The following MCF2L variants were observed in gnomAD, a reference collection of about 807,000 sequenced individuals.
The protein encoded by MCF2L is MCF.2 cell line derived transforming sequence like.
A neutral mutation model predicts 153.4 loss-of-function variants in MCF2L; 97 were observed. The observed-to-expected ratio is 0.63, with a 90% CI of 0.54 to 0.75. MCF2L has a LOEUF of 0.75. Among genes scored for constraint, MCF2L ranks in the 30% least tolerant of loss-of-function variants. MCF2L has a pLI of 0.00. For missense variants in MCF2L, 1,347 were observed against 1,495.2 expected, an observed-to-expected ratio of 0.90 and a Z score of 1.64; for synonymous variants, 659 against 632.2, an observed-to-expected ratio of 1.04 and a Z score of -0.64.
intron 1 of MCF2L, chr13:113,001,614 A>G (rs2083380337): frequency 7.0e-6 from 8 of 1,150,694 alleles, no homozygotes; most frequent in Non-Finnish European, 8.9e-6. Context: ...AAGCAACACC[A>G]GGAACCTGAA....
chr13:113,002,001 GGGTCCT>G, intron 1 of MCF2L: 1 of 1,555,402 alleles, frequency 6.4e-7, no homozygotes, highest in Non-Finnish European at 8.6e-7. Flanking sequence ...GGGCGCGGGC[GGGTCCT>G]CGCCTCCCCG....
chr13:113,060,000 C>T (rs904766074), intron 4 of MCF2L, among the ~76,000 whole-genome samples: 1 of 152,260 alleles, frequency 6.6e-6, no homozygotes, highest in African/African-American at 2.4e-5. Flanking sequence ...CCCTCCCAGC[C>T]CCGGAGGCGG....
intron 1 of MCF2L, among the ~76,000 whole-genome samples, chr13:112,974,649 C>T (rs916940475): frequency 2.6e-5 from 4 of 152,262 alleles, no homozygotes; most frequent in African/African-American, 9.6e-5. Flanking sequence ...AGGATGAACT[C>T]CAGAATTAGA....
chr13:112,997,313 G>T (rs897527104), intron 1 of MCF2L, among the ~76,000 whole-genome samples: 5 of 152,248 alleles, frequency 3.3e-5, no homozygotes, highest in Admixed American at 3.3e-4. Context: ...GGTTGCTGCT[G>T]ACGCCCCTGT....
In MCF2L at chr13:113,074,412, A is replaced by G. The variant is rs2033229039; in HGVS notation, c.997-32A>G. ...TTCTCTCTGTTCAGGTGAGGGAGAC[A>G]CCCCCCTGAGATGGGCCCTCCTCTG... On this transcript the variant is annotated intron_variant, in intron 9 of 29. Transcript: ENST00000535094. This position sits in a 1 kb window ranked among gnomAD's most constrained non-coding sequence, Gnocchi z 4.2. 1 of 1,600,848 alleles carries G rather than the reference A, an allele frequency of 6.2e-7. No homozygotes were observed. Among genetic ancestry groups the G allele is most frequent in the Non-Finnish European group, 8.6e-7 (1 of 1,169,212 alleles).
chr13:113,042,510 A>C (rs2086562781), intron 3 of MCF2L: 1 of 152,218 alleles, frequency 6.6e-6, no homozygotes, highest in Non-Finnish European at 1.5e-5. Context: ...ACAAAGATTT[A>C]AACGTAGAGT....
rs2034824952 is a variant in MCF2L at position 113,088,196 on chromosome 13, C to T, written c.2689-131C>T. On this transcript the variant is annotated intron_variant, in intron 23 of 29. Transcript: ENST00000535094. ...CGGGGCCACCCACAGTGCTTTCCTC[C>T]TCTCCCCTCACACGCAGCCACCTGA... is the stretch of plus-strand genomic sequence containing the variant. The T allele has an allele frequency of 1.2e-5, 10 of 822,218 alleles. No individual in the cohort carries two copies. The East Asian group carries it at 1.9e-4, about 16-fold the overall frequency. The allele number at this position is 822,218 out of a possible 1,614,324, so 50.9% of individuals were successfully genotyped here. A position where few individuals can be genotyped will look rare whatever the true frequency, so the allele number is the denominator to read the frequency against.
In MCF2L at chr13:112,922,606, G is replaced by T. The variant is rs528177515; in HGVS notation, c.169+20235G>T. On this transcript the variant is annotated intron_variant, in intron 2 of 29. Coordinates refer to the MCF2L transcript ENST00000375608. ...CTAGCACTTTGGGAGACCGAGGCGG[G>T]CAGATTGCCTGAGCTCAGGAGTTCA... Among the ~76,000 whole-genome samples, 4 of 152,324 alleles carry T rather than the reference G, an allele frequency of 2.6e-5. No homozygotes were observed. The South Asian group carries it at 8.3e-4, about 32-fold the overall frequency.
intron 2 of MCF2L, among the ~76,000 whole-genome samples, chr13:113,021,698 G>A (rs1419331552): frequency 6.6e-6 from 1 of 152,244 alleles, no homozygotes; most frequent in African/African-American, 2.4e-5. Flanking sequence ...TTTCTCCAGA[G>A]AGGGGCTGTG....
chr13:112,934,024 G>T (rs765720875), intron 2 of MCF2L, among the ~76,000 whole-genome samples: 1 of 152,224 alleles, frequency 6.6e-6, no homozygotes, highest in Non-Finnish European at 1.5e-5. Context: ...ACTTCATCCA[G>T]CCTTTTGCCC....
intron 1 of MCF2L, among the ~76,000 whole-genome samples, chr13:112,898,479 C>T (rs898223284): frequency 1.3e-5 from 2 of 152,148 alleles, no homozygotes; most frequent in African/African-American, 4.8e-5. Context: ...CCAGGTCCAG[C>T]CTTTCACCAC....
rs2083591407 is a variant in MCF2L at position 113,004,985 on chromosome 13, A to G, written c.80-9778A>G. On this transcript the variant is annotated intron_variant, in intron 1 of 29. Coordinates refer to ENST00000535094, the MANE Select transcript of MCF2L (RefSeq NM_001112732.3). Reference sequence around the variant, plus strand: ...TGAAAAGAGCACTGTCGTTGGAGCCAGGAGTCCCCACTGTGGGTGGGTATC... The same window carrying G: ...TGAAAAGAGCACTGTCGTTGGAGCCGGGAGTCCCCACTGTGGGTGGGTATC... 2.0e-5 allele frequency among the ~76,000 whole-genome samples: 3 copies of G among 152,214 alleles called. No individual in the cohort carries two copies. In the South Asian group the frequency reaches 6.2e-4, roughly 32 times the overall value.
intron 4 of MCF2L, among the ~76,000 whole-genome samples, chr13:113,058,306 G>C (rs1331225403): frequency 6.7e-6 from 1 of 149,698 alleles, no homozygotes; most frequent in East Asian, 2.0e-4. Flanking sequence ...AGTGGGCGTT[G>C]AGTGTTCGGG....
At chr13:113,096,747 G>A (rs768812636) in intron 29 of MCF2L, 27 bp from the exon 30 acceptor site, 6 of 1,557,850 alleles carry the variant, frequency 3.9e-6, no homozygotes, top group African/African-American at 1.4e-5. Context: ...CGACGCCGAA[G>A]CCCGTCCCCG....
At chr13:113,090,548 T>G in intron 26 of MCF2L, 1 of 985,266 alleles carries the variant, frequency 1.0e-6, no homozygotes, top group Non-Finnish European at 1.2e-6. Context: ...TCAGCCATCT[T>G]CTGGGGCATC....
rs769025642 is a variant in MCF2L, at chr13:112,951,371, C to G, written c.169+49000C>G. On this transcript the variant is annotated intron_variant, in intron 2 of 29. Transcript: ENST00000375608. The surrounding 1 kb of genome is among the most constrained non-coding windows in gnomAD (Gnocchi z 4.8). ...TCCTGGGAATTTATCCCAGAGAAAT[C>G]AAAATTTATGTGCACATAAATACAG... Among the ~76,000 whole-genome samples the G allele has an allele frequency of 9.9e-5, 15 of 152,144 alleles. No homozygotes were observed. Among genetic ancestry groups the G allele is most frequent in the Non-Finnish European group, 1.6e-4 (11 of 68,024 alleles).
At chr13:112,896,260 G>T in intron 1 of MCF2L, among the ~76,000 whole-genome samples, 1 of 152,034 alleles carries the variant, frequency 6.6e-6, no homozygotes, top group African/African-American at 2.4e-5. Flanking sequence ...TGGAATTCAG[G>T]TCTCTTCACC....
rs1301294922 is a variant in MCF2L at position 112,943,292 on chromosome 13, C to T, written c.169+40921C>T. ...TGCTGAGTCCCGACGCTGTGCGCCC[C>T]ACTCCCGAGGCTGTGGTTGGGGGGT... On this transcript the variant is annotated intron_variant, in intron 2 of 29. Transcript: ENST00000375608. This position sits in a 1 kb window ranked among gnomAD's most constrained non-coding sequence, Gnocchi z 4.2. Among the ~76,000 whole-genome samples, 1 of 152,182 alleles carries T rather than the reference C, an allele frequency of 6.6e-6. No homozygotes were observed. The highest frequency in any genetic ancestry group is 2.1e-4 in the South Asian group (1 of 4,832).
intron 3 of MCF2L, chr13:113,044,943 G>A (rs1364454378): frequency 1.2e-6 from 2 of 1,600,328 alleles, no homozygotes; most frequent in African/African-American, 1.3e-5. Context: ...CCCAGGAAAG[G>A]AAAATGACTC....
Sources: gnomAD v4.1 joint callset for allele counts (sites outside exome capture counted in the v4.1 genomes callset) on GRCh38, gnomAD v4.1.1 for gene constraint, Gnocchi (gnomAD v3.1) non-coding constraint, MANE v1.5 for transcripts, NCBI Gene and HGNC (gene_info 2026-07-23, HGNC 2026-07-21) for gene names.